ANKRD46: variants seen among roughly 807,000 people sequenced by gnomAD.
ANKRD46 encodes ankyrin repeat domain-containing protein 46.
ANKRD46 carries 13 observed loss-of-function variants against 19.8 expected under a neutral mutation model. The observed-to-expected ratio is 0.66, with a 90% CI of 0.43 to 1.04. The LOEUF is 1.04. Among genes scored for constraint, ANKRD46 ranks in the 50% least tolerant of loss-of-function variants. The pLI is 0.00. For missense variants in ANKRD46, 185 were observed against 274.8 expected (o/e 0.67, Z 2.31); for synonymous variants, 91 against 106.9 (o/e 0.85, Z 0.92).
intron 1 of ANKRD46, among the ~76,000 whole-genome samples, chr8:100,552,837 T>C (rs988803359): frequency 6.6e-6 from 1 of 152,244 alleles, no homozygotes; most frequent in Non-Finnish European, 1.5e-5. Flanking sequence ...CAATAAAGGA[T>C]CTTTTTAAGA....
At chr8:100,520,026 G>C (rs1811695043), downstream of ANKRD46, among the ~76,000 whole-genome samples, 1 of 152,150 alleles carries the variant, frequency 6.6e-6, no homozygotes, top group African/African-American at 2.4e-5. Context: ...AATTAAACAA[G>C]TTAGAAAGAA....
At chr8:100,518,722 C>T (rs1438334357), downstream of ANKRD46, among the ~76,000 whole-genome samples, 6 of 151,820 alleles carry the variant, frequency 4.0e-5, no homozygotes, top group South Asian at 2.1e-4. Context: ...CGTGGTGGCA[C>T]GCCCCTGTAA....
At chr8:100,515,902 A>T, downstream of ANKRD46, among the ~76,000 whole-genome samples, 1 of 142,224 alleles carries the variant, frequency 7.0e-6, no homozygotes, top group South Asian at 2.2e-4. Context: ...ATGGAGTTTC[A>T]CTCCTGTTGC....
chr8:100,515,697 G>A (rs995315211), intron 5 of ANKRD46, among the ~76,000 whole-genome samples: 2 of 151,780 alleles, frequency 1.3e-5, no homozygotes, highest in Non-Finnish European at 2.9e-5. Flanking sequence ...TGAGGGAGGG[G>A]CAGTATGGAA....
intron 1 of ANKRD46, among the ~76,000 whole-genome samples, chr8:100,535,108 C>T (rs1812038607): frequency 2.0e-5 from 3 of 152,170 alleles, no homozygotes; most frequent in African/African-American, 7.2e-5. Context: ...TAAGAAAATA[C>T]ACTTGAACAA....
At chr8:100,523,434 A>G (rs1433895549) in intron 4 of ANKRD46, among the ~76,000 whole-genome samples, 3 of 150,622 alleles carry the variant, frequency 2.0e-5, no homozygotes, top group Non-Finnish European at 4.4e-5. Flanking sequence ...GAACTGAGAA[A>G]GTAAATGTCT....
chr8:100,510,674 A>G lies in ANKRD46; in HGVS notation c.637-35T>C, dbSNP rs1224300104. The G allele has an allele frequency of 2.0e-6, 3 of 1,515,510 alleles. No individual in the cohort carries two copies. In the East Asian group the frequency reaches 7.4e-5, roughly 37 times the overall value. 93.9% of individuals were successfully genotyped at this position (1,515,510 alleles called of 1,614,324 possible). A position where few individuals can be genotyped will look rare whatever the true frequency, so the allele number is the denominator to read the frequency against. On this transcript the variant is annotated intron_variant, in intron 5 of 5. Coordinates refer to the ANKRD46 transcript ENST00000520552. This position sits in a 1 kb window ranked among gnomAD's most constrained non-coding sequence, Gnocchi z 4.9. ...TGGGGAAGACAGATTAAAAAAAAAAAAAAATCCCAGTTCTGTTAAGCTGCA... is the reference window on the plus strand; with the variant it reads ...TGGGGAAGACAGATTAAAAAAAAAAGAAAATCCCAGTTCTGTTAAGCTGCA...
chr8:100,511,395 A>G lies in ANKRD46; in HGVS notation c.637-756T>C, dbSNP rs1811546426. Among the ~76,000 whole-genome samples, 1 of 150,552 alleles carries G rather than the reference A, an allele frequency of 6.6e-6. No individual in the cohort carries two copies. The highest frequency in any genetic ancestry group is 1.5e-5 in the Non-Finnish European group (1 of 67,626). ...GTTTATGACAAGGAGTGTCTTGTTT[A>G]TTTTCTTATGTATCTGGTAAATGGT... On this transcript the variant is annotated intron_variant, in intron 5 of 5. Coordinates refer to the ANKRD46 transcript ENST00000520552. The surrounding 1 kb of genome is among the most constrained non-coding windows in gnomAD (Gnocchi z 4.1).
At chr8:100,530,837 C>T (rs1006164330) in intron 2 of ANKRD46, among the ~76,000 whole-genome samples, 3 of 152,134 alleles carry the variant, frequency 2.0e-5, no homozygotes, top group Non-Finnish European at 4.4e-5. Flanking sequence ...GCCAAATTCC[C>T]ACCGTCCAAA....
exon 6 of ANKRD46, chr8:100,509,804 G>C (rs959356709): frequency 6.6e-6 from 1 of 152,178 alleles, no homozygotes; most frequent in Non-Finnish European, 1.5e-5. Flanking sequence ...AACCATTTAC[G>C]AGAGGGAAGT....
At chr8:100,530,865 A>G (rs967309654) in intron 2 of ANKRD46, among the ~76,000 whole-genome samples, 1 of 152,018 alleles carries the variant, frequency 6.6e-6, no homozygotes. Flanking sequence ...AGATGAGGGG[A>G]AAAAAAAGTA....
intron 1 of ANKRD46, among the ~76,000 whole-genome samples, chr8:100,555,426 C>A (rs1464572565): frequency 3.5e-5 from 5 of 141,942 alleles, no homozygotes; most frequent in Non-Finnish European, 6.2e-5. Context: ...CAGGGACATA[C>A]AAAAAATTAA....
rs1367815443 is a variant in ANKRD46, at chr8:100,525,281, T to C, written c.471-2510A>G. ...GACATAATTCACATCCCATAATATT[T>C]ACCTTTTGAAACTGTACAATTCAGT... On this transcript the variant is annotated intron_variant, in intron 4 of 4. Transcript: ENST00000335659. The surrounding 1 kb of genome is among the most constrained non-coding windows in gnomAD (Gnocchi z 4.4). Among the ~76,000 whole-genome samples, 1 of 152,258 alleles carries C rather than the reference T, an allele frequency of 6.6e-6. No individual in the cohort carries two copies. The highest frequency in any genetic ancestry group is 1.5e-5 in the Non-Finnish European group (1 of 68,034).
downstream of ANKRD46, among the ~76,000 whole-genome samples, chr8:100,517,393 A>G (rs1811651280): frequency 6.6e-6 from 1 of 152,266 alleles, no homozygotes; most frequent in Admixed American, 6.5e-5. Flanking sequence ...AAAATTTTCA[A>G]CGTTGCCAAG....
Position 100,521,618 on chromosome 8 carries a change from G to A in ANKRD46, c.*937C>T, listed in dbSNP as rs759891962. 8.1e-6 allele frequency: 8 copies of A among 985,302 alleles called. No individual in the cohort carries two copies. Among genetic ancestry groups the A allele is most frequent in the Non-Finnish European group, 9.6e-6 (8 of 829,940 alleles). 61.0% of individuals were successfully genotyped at this position (985,302 alleles called of 1,614,324 possible). ...GGATGGGATTGTTAAAAGTCTAACAGGGCCTCCAAATAGGATTGCACATGA... is the reference window on the plus strand; with the variant it reads ...GGATGGGATTGTTAAAAGTCTAACAAGGCCTCCAAATAGGATTGCACATGA... On this transcript the variant is annotated 3_prime_UTR_variant, in exon 5 of 5. Coordinates refer to ENST00000335659, the MANE Select transcript of ANKRD46 (RefSeq NM_001270377.2).
chr8:100,549,631 T>C (rs1297319180), intron 1 of ANKRD46, among the ~76,000 whole-genome samples: 4 of 152,204 alleles, frequency 2.6e-5, no homozygotes, highest in Non-Finnish European at 5.9e-5. Flanking sequence ...ATTTCCCATA[T>C]TCCCCCACCC....
rs950866141 is a variant in ANKRD46, at chr8:100,510,316, G to A, written c.*261C>T. The A allele has an allele frequency of 7.4e-6, 3 of 405,002 alleles. No individual in the cohort carries two copies. Among genetic ancestry groups the A allele is most frequent in the East Asian group, 3.6e-5 (1 of 28,116 alleles). 25.1% of individuals were successfully genotyped at this position (405,002 alleles called of 1,614,324 possible). A position where few individuals can be genotyped will look rare whatever the true frequency, so the allele number is the denominator to read the frequency against. ...GAGGTGGCATCCTGCCCGGGCGGAG[G>A]AGGGGATGGTTCCTGGAGCTCCATC... On this transcript the variant is annotated 3_prime_UTR_variant, in exon 6 of 6. Coordinates refer to the ANKRD46 transcript ENST00000520552. The surrounding 1 kb of genome is among the most constrained non-coding windows in gnomAD (Gnocchi z 4.9).
At chr8:100,520,342 G>T (rs1283306186), downstream of ANKRD46, among the ~76,000 whole-genome samples, 1 of 152,178 alleles carries the variant, frequency 6.6e-6, no homozygotes, top group Non-Finnish European at 1.5e-5. Context: ...ATGAAAGACA[G>T]CGGGACAGGA....
chr8:100,536,961 G>A lies in ANKRD46; in HGVS notation c.-130-3650C>T, dbSNP rs146355293. ...CACATGACGCAGTCACTTAGATCGC[G>A]GCAACAAGAGCTTCTTATGTCAACC... On this transcript the variant is annotated intron_variant, in intron 1 of 4. Coordinates refer to ENST00000335659, the MANE Select transcript of ANKRD46 (RefSeq NM_001270377.2). This position sits in a 1 kb window ranked among gnomAD's most constrained non-coding sequence, Gnocchi z 4.9. 2.6e-5 allele frequency among the ~76,000 whole-genome samples: 4 copies of A among 152,226 alleles called. No individual in the cohort carries two copies. The highest frequency in any genetic ancestry group is 2.9e-5 in the Non-Finnish European group (2 of 68,006).
Sources: gnomAD v4.1 joint callset for allele counts (sites outside exome capture counted in the v4.1 genomes callset) on GRCh38, gnomAD v4.1.1 for gene constraint, Gnocchi (gnomAD v3.1) non-coding constraint, MANE v1.5 for transcripts, NCBI Gene and HGNC (gene_info 2026-07-23, HGNC 2026-07-21) for gene names.